Variants in TSPEAR observed in about 807,000 individuals in gnomAD.
TSPEAR encodes the protein thrombospondin-type laminin G domain and EAR repeat-containing protein.
Under a neutral mutation model 71.6 loss-of-function variants are expected in TSPEAR, and 69 were observed. That is an observed-to-expected ratio of 0.96 (90% CI 0.79 to 1.18). The LOEUF (loss-of-function observed/expected upper bound fraction) is 1.18, where lower values mean the gene tolerates loss of function less well. Ranked by LOEUF, TSPEAR falls within the 50% of genes most tolerant of loss-of-function variation. TSPEAR has a pLI of 0.00. For missense variants in TSPEAR, 971 were observed against 894.9 expected (o/e 1.09, Z -1.09); for synonymous variants, 402 against 387.2 (o/e 1.04, Z -0.45).
intron 9 of TSPEAR, chr21:44,511,176 G>C (rs2052361491): frequency 6.6e-6 from 1 of 152,302 alleles, no homozygotes; most frequent in Non-Finnish European, 1.5e-5. Flanking sequence ...CGCCTGTGCT[G>C]AGGAAACCAA....
rs1372930980 is a variant in TSPEAR, at chr21:44,599,172, C to CTCTCAATGTA, written c.83-31168_83-31167insTACATTGAGA. Among the ~76,000 whole-genome samples, 1,235 of 146,006 alleles carry CTCTCAATGTA rather than the reference C, an allele frequency of 8.5e-3. 41 individuals are homozygous for CTCTCAATGTA. Among genetic ancestry groups the CTCTCAATGTA allele is most frequent in the African/African-American group, 0.03 (1,149 of 37,988 alleles). On this transcript the variant is annotated intron_variant, in intron 1 of 11. Coordinates refer to ENST00000323084, the MANE Select transcript of TSPEAR (RefSeq NM_144991.3). ...TCTCTCTCTCTCTCTCTCTCTCTCT[C>CTCTCAATGTA]CTTCCATCCCATAGGACCAGATCCT...
intron 1 of TSPEAR, among the ~76,000 whole-genome samples, chr21:44,698,792 C>T (rs567811120): frequency 6.6e-6 from 1 of 152,372 alleles, no homozygotes; most frequent in African/African-American, 2.4e-5. Flanking sequence ...CTTCTACTGC[C>T]CCTACAACTC....
In TSPEAR at chr21:44,509,367, C is replaced by T. The variant is rs139468688; in HGVS notation, c.1586G>A (p.Trp529Ter). ...CCTCTCCCCGATCTGGAAGACCTCC[C>T]AGTCTGCAGCACCGAACGTCTAGGA... ...QSFPTFGAAD[W>*]EVFQIGERIF... Residue 529 changes from tryptophan (W) to a stop codon, truncating the protein, a stop_gained, in exon 10 of 12, where the codon TGG becomes TAG. Coordinates refer to ENST00000323084, the MANE Select transcript of TSPEAR (RefSeq NM_144991.3). LOFTEE classifies it high-confidence loss of function. The T allele has an allele frequency of 7.4e-6, 12 of 1,613,566 alleles. No homozygotes were observed. The highest frequency in any genetic ancestry group is 6.7e-5 in the African/African-American group (5 of 74,954).
At chr21:44,637,913 A>T in intron 1 of TSPEAR, 1 of 1,521,988 alleles carries the variant, frequency 6.6e-7, no homozygotes, top group Non-Finnish European at 8.9e-7. Flanking sequence ...TGGGGCTTCC[A>T]CTTCATGCTG....
chr21:44,551,653 T>G, intron 2 of TSPEAR: 1 of 784,564 alleles, frequency 1.3e-6, no homozygotes, highest in Non-Finnish European at 2.0e-6. Context: ...GGACCCTCAT[T>G]ATTTCTGCTT....
At chr21:44,652,589 C>T (rs1223709741) in intron 1 of TSPEAR, among the ~76,000 whole-genome samples, 1 of 152,072 alleles carries the variant, frequency 6.6e-6, no homozygotes, top group Admixed American at 6.6e-5. Flanking sequence ...GAATTCTCCT[C>T]GTTGAAAGAT....
rs1431511162 is a variant in TSPEAR, at chr21:44,502,096, G to A, written c.1857-2160C>T. Among the ~76,000 whole-genome samples the A allele has an allele frequency of 3.9e-5, 6 of 152,176 alleles. No individual in the cohort carries two copies. The East Asian group carries it at 5.8e-4, about 15-fold the overall frequency. ...CAAGTGGCATCGGGTCTAATAACGCGAGGAGATGTCTCACTATAAATCATG... is the reference window on the plus strand; with the variant it reads ...CAAGTGGCATCGGGTCTAATAACGCAAGGAGATGTCTCACTATAAATCATG... On this transcript the variant is annotated intron_variant, in intron 11 of 11. Transcript: ENST00000323084.
In TSPEAR at chr21:44,515,184, T is replaced by C. The variant is rs587764171; in HGVS notation, c.1567-5798A>G. Among the ~76,000 whole-genome samples the C allele has an allele frequency of 1.3e-4, 20 of 152,346 alleles. No homozygotes were observed. In the East Asian group the frequency reaches 3.9e-3, roughly 29 times the overall value. ...AACAAATTAAGACATCTCTAGGACC[T>C]AAAAGGATTTCAACACAATGTGAGA... is the stretch of plus-strand genomic sequence containing the variant. On this transcript the variant is annotated intron_variant, in intron 9 of 11. Coordinates refer to ENST00000323084, the MANE Select transcript of TSPEAR (RefSeq NM_144991.3).
intron 1 of TSPEAR, among the ~76,000 whole-genome samples, chr21:44,628,821 T>C (rs1261532327): frequency 6.6e-6 from 1 of 152,140 alleles, no homozygotes; most frequent in Non-Finnish European, 1.5e-5. Context: ...CATCCTGGCC[T>C]CCTGTGGACA....
rs1332523413 is a variant in TSPEAR, at chr21:44,623,600, T to C, written c.83-55595A>G. On this transcript the variant is annotated intron_variant, in intron 1 of 11. Coordinates refer to ENST00000323084, the MANE Select transcript of TSPEAR (RefSeq NM_144991.3). The surrounding 1 kb of genome is among the most constrained non-coding windows in gnomAD (Gnocchi z 4.5). ...CTAATTATCTTTTTATTTTCTGTAG[T>C]GCAGATCCTACTGGTGACACAACCT... Among the ~76,000 whole-genome samples, 1 of 152,232 alleles carries C rather than the reference T, an allele frequency of 6.6e-6. No individual in the cohort carries two copies. The highest frequency in any genetic ancestry group is 1.5e-5 in the Non-Finnish European group (1 of 68,046).
intron 1 of TSPEAR, among the ~76,000 whole-genome samples, chr21:44,573,080 G>A (rs587766645): frequency 3.3e-5 from 5 of 152,188 alleles, no homozygotes; most frequent in East Asian, 1.9e-4. Flanking sequence ...CATGAGACAC[G>A]GAATTTCTGT....
At chr21:44,528,997 G>A (rs2052912833) in intron 5 of TSPEAR, among the ~76,000 whole-genome samples, 1 of 152,194 alleles carries the variant, frequency 6.6e-6, no homozygotes, top group Non-Finnish European at 1.5e-5. Context: ...ATCACTTCCA[G>A]TAATCACACC....
intron 1 of TSPEAR, among the ~76,000 whole-genome samples, chr21:44,650,412 T>TGACGATGGCGGCAGAGACTGGGGCCAC (rs1984705253): frequency 1.4e-4 from 2 of 14,698 alleles, no homozygotes; most frequent in Non-Finnish European, 2.3e-4. Flanking sequence ...GAGAACGCCA[T>TGACGATGGCGGCAGAGACTGGGGCCAC]GTGACGACGG....
intron 1 of TSPEAR, chr21:44,676,659 C>A: frequency 1.3e-6 from 1 of 770,008 alleles, no homozygotes; most frequent in Admixed American, 1.7e-5. Context: ...GGACATCTCA[C>A]AAGTGATCAG....
At chr21:44,550,950 G>A (rs1555918640) in intron 2 of TSPEAR, 11 of 1,612,264 alleles carry the variant, frequency 6.8e-6, no homozygotes, top group East Asian at 4.5e-5. Flanking sequence ...GCAGCAAGCC[G>A]GCTGGCAGCT....
At chr21:44,647,015 A>T in intron 1 of TSPEAR, 1 of 1,609,274 alleles carries the variant, frequency 6.2e-7, no homozygotes, top group Non-Finnish European at 8.5e-7. Context: ...TCCTACCAGC[A>T]GGCCTGCTGC....
intron 2 of TSPEAR, chr21:44,540,282 C>A: frequency 6.9e-7 from 1 of 1,439,158 alleles, no homozygotes; most frequent in Non-Finnish European, 9.4e-7. Flanking sequence ...CCCCTTCTGG[C>A]CTTGTTGTTC....
chr21:44,629,679 C>T (rs1983140849), intron 1 of TSPEAR, among the ~76,000 whole-genome samples: 1 of 152,214 alleles, frequency 6.6e-6, no homozygotes, highest in Admixed American at 6.5e-5. Context: ...CCATAAACTG[C>T]AGCGATGGAC....
chr21:44,569,421 C>G (rs1457620109), intron 1 of TSPEAR, among the ~76,000 whole-genome samples: 2 of 152,126 alleles, frequency 1.3e-5, no homozygotes, highest in African/African-American at 4.8e-5. Context: ...CGTGAGCACC[C>G]TGGCTGCAGG....
Sources: gnomAD v4.1 joint callset for allele counts (sites outside exome capture counted in the v4.1 genomes callset) on GRCh38, gnomAD v4.1.1 for gene constraint, Gnocchi (gnomAD v3.1) non-coding constraint, MANE v1.5 for transcripts, NCBI Gene and HGNC (gene_info 2026-07-23, HGNC 2026-07-21) for gene names.